Variants in MTIF2 observed in about 807,000 individuals in gnomAD.
MTIF2 encodes mitochondrial translational initiation factor 2.
Under a neutral mutation model 83.5 loss-of-function variants are expected in MTIF2, and 71 were observed. That is an observed-to-expected ratio of 0.85 (90% CI 0.70 to 1.04). The LOEUF is 1.04. Among genes scored for constraint, MTIF2 ranks in the 50% least tolerant of loss-of-function variants. The pLI, the probability that MTIF2 is intolerant of heterozygous loss-of-function variation, is 0.00. For missense variants in MTIF2, 957 were observed against 846.5 expected (o/e 1.13, Z -1.62); for synonymous variants, 319 against 287.1 (o/e 1.11, Z -1.12).
chr2:55,262,215 C>T, intron 5 of MTIF2, 101 bp downstream of exon 5: 3 of 789,298 alleles, frequency 3.8e-6, no homozygotes, highest in Non-Finnish European at 6.6e-6. Flanking sequence ...TTTTAAGTGC[C>T]AGTCTAGTTT....
chr2:55,246,295 C>A, intron 10 of MTIF2, 42 bp downstream of exon 10: 2 of 1,550,804 alleles, frequency 1.3e-6, no homozygotes, highest in East Asian at 2.3e-5. Flanking sequence ...GTCACGAAAA[C>A]CACAGAACAA....
At position 55,252,324 on chromosome 2, in the gene MTIF2, A is replaced by G. The variant is rs562848579; in HGVS notation, c.841+153T>C. 5.3e-5 allele frequency among the ~76,000 whole-genome samples: 8 copies of G among 152,354 alleles called. No homozygotes were observed. In the South Asian group the frequency reaches 1.7e-3, roughly 32 times the overall value. ...TCCTGCTATACTCTTCCTATTAGTT[A>G]TAAGTCTGTGGGAAAACAATTTATC... is the stretch of plus-strand genomic sequence containing the variant. On this transcript the variant is annotated intron_variant, in intron 8 of 15. Coordinates refer to ENST00000263629, the MANE Select transcript of MTIF2 (RefSeq NM_002453.3).
intron 5 of MTIF2, among the ~76,000 whole-genome samples, chr2:55,256,447 C>G (rs1399609175): frequency 6.6e-6 from 1 of 151,866 alleles, no homozygotes; most frequent in Non-Finnish European, 1.5e-5. Flanking sequence ...GTGGCTCACG[C>G]CTGTAATCCC....
chr2:55,258,705 G>C (rs544650679), intron 5 of MTIF2, among the ~76,000 whole-genome samples: 1 of 151,816 alleles, frequency 6.6e-6, no homozygotes, highest in African/African-American at 2.4e-5. Context: ...CCAGCTACTC[G>C]GGAGGCTGAG....
intron 5 of MTIF2, among the ~76,000 whole-genome samples, chr2:55,258,251 G>A (rs1677695397): frequency 6.6e-6 from 1 of 152,140 alleles, no homozygotes; most frequent in Admixed American, 6.5e-5. Flanking sequence ...ATAATGCCAA[G>A]AAACGATTTC....
intron 5 of MTIF2, among the ~76,000 whole-genome samples, chr2:55,260,702 C>A (rs75601429): frequency 0.11 from 16,591 of 152,146 alleles, 1,113 homozygotes; most frequent in East Asian, 0.28. Context: ...ACCTTCCCAG[C>A]CTGTAAATAA....
At chr2:55,238,161 G>C (rs766261691) in intron 14 of MTIF2, among the ~76,000 whole-genome samples, 1 of 150,568 alleles carries the variant, frequency 6.6e-6, no homozygotes, top group Non-Finnish European at 1.5e-5. Flanking sequence ...CTTCTAGATA[G>C]CTAAGACTAC....
intron 14 of MTIF2, 30 bp downstream of exon 14, chr2:55,239,981 T>A: frequency 3.2e-6 from 5 of 1,578,306 alleles, no homozygotes; most frequent in Non-Finnish European, 4.3e-6. Context: ...ATATACTAAT[T>A]TTTAAAAGTA....
intron 5 of MTIF2, among the ~76,000 whole-genome samples, chr2:55,257,795 T>G (rs1292172679): frequency 1.3e-5 from 2 of 152,098 alleles, no homozygotes; most frequent in Non-Finnish European, 2.9e-5. Flanking sequence ...TGGTTTTGTT[T>G]GTTTGTTTGG....
At chr2:55,257,445 C>T (rs1293686068) in intron 5 of MTIF2, among the ~76,000 whole-genome samples, 1 of 152,150 alleles carries the variant, frequency 6.6e-6, no homozygotes, top group African/African-American at 2.4e-5. Context: ...TGCGCCACTG[C>T]ACTCCAGCCT....
intron 9 of MTIF2, among the ~76,000 whole-genome samples, chr2:55,248,028 C>T (rs987803472): frequency 6.6e-6 from 1 of 152,092 alleles, no homozygotes; most frequent in African/African-American, 2.4e-5. Flanking sequence ...ATAGCTAGGA[C>T]GACAGGCACA....
chr2:55,260,358 C>T (rs770409193), intron 5 of MTIF2, among the ~76,000 whole-genome samples: 1 of 150,122 alleles, frequency 6.7e-6, no homozygotes, highest in Non-Finnish European at 1.5e-5. Context: ...CGAGATAGTG[C>T]CATTGCACTC....
chr2:55,246,503 T>G, intron 9 of MTIF2, 42 bp from the exon 10 acceptor site: 2 of 1,558,002 alleles, frequency 1.3e-6, no homozygotes, highest in Non-Finnish European at 1.8e-6. Flanking sequence ...TTAATAAATA[T>G]TATCTGTAAA....
In MTIF2 at chr2:55,262,318, G is replaced by A. The variant is rs1029855834; in HGVS notation, c.329C>T (p.Thr110Ile). 1.9e-6 allele frequency: 3 copies of A among 1,602,886 alleles called. No individual in the cohort carries two copies. The African/African-American group carries it at 4.0e-5, about 21-fold the overall frequency. The change falls in exon 5 of 16, where the codon ACA becomes ATA. Residue 110 changes from threonine (T) to isoleucine (I), a missense_variant and splice_region_variant. Physicochemically the swap from Thr to Ile is moderately conservative, Grantham distance 89. Coordinates refer to ENST00000263629, the MANE Select transcript of MTIF2 (RefSeq NM_002453.3). ...CTTTGTAAAAATATCTGACTCACCT[G>A]TGTTTTTTTCCATTGCCCTGGCCAG... is the stretch of plus-strand genomic sequence containing the variant. ...EELARAMEKN[T>I]DYVYEALLNT...
Position 55,237,361 on chromosome 2 carries a change from G to A in MTIF2, c.1938C>T (p.Cys646=). The change falls in exon 15 of 16, where the codon TGC becomes TGT. Residue 646 remains cysteine, a synonymous_variant. Coordinates refer to ENST00000263629, the MANE Select transcript of MTIF2 (RefSeq NM_002453.3). Reference sequence around the variant, plus strand: ...TTTCTAACTGTCCCTTTTGGACTCTGCAGCCAGCCACAGGAACTTTTTTCT... The same window carrying A: ...TTTCTAACTGTCCCTTTTGGACTCTACAGCCAGCCACAGGAACTTTTTTCT... ...EGKKKVPVAG[C]RVQKGQLEKQ... 10 of 1,612,864 alleles carry A rather than the reference G, an allele frequency of 6.2e-6. No individual in the cohort carries two copies. The highest frequency in any genetic ancestry group is 8.5e-6 in the Non-Finnish European group (10 of 1,179,860).
intron 9 of MTIF2, among the ~76,000 whole-genome samples, chr2:55,249,133 T>G (rs1449916992): frequency 6.6e-6 from 1 of 152,174 alleles, no homozygotes; most frequent in Non-Finnish European, 1.5e-5. Context: ...TATTCACCAT[T>G]TATTCTCATC....
chr2:55,238,980 C>T (rs1267580327), intron 14 of MTIF2, among the ~76,000 whole-genome samples: 1 of 152,164 alleles, frequency 6.6e-6, no homozygotes, highest in African/African-American at 2.4e-5. Flanking sequence ...CATGGGGAAA[C>T]ACTGGACAAA....
chr2:55,241,838 C>T (rs146313931), intron 13 of MTIF2, among the ~76,000 whole-genome samples: 13 of 151,790 alleles, frequency 8.6e-5, no homozygotes, highest in South Asian at 2.1e-4. Flanking sequence ...AGCAAAACTC[C>T]GTCTCAAGAA....
At chr2:55,257,176 A>C (rs1677609442) in intron 5 of MTIF2, among the ~76,000 whole-genome samples, 1 of 152,166 alleles carries the variant, frequency 6.6e-6, no homozygotes, top group African/African-American at 2.4e-5. Flanking sequence ...AATATATTTA[A>C]AGAGTAGATA....
Sources: allele counts gnomAD v4.1 joint callset (sites outside exome capture counted in the v4.1 genomes callset), GRCh38; gene constraint gnomAD v4.1.1; transcripts MANE v1.5; gene names NCBI Gene and HGNC (gene_info 2026-07-23, HGNC 2026-07-21).